The following RNLS variants were observed in gnomAD, a reference collection of about 807,000 sequenced individuals.
RNLS encodes the protein renalase.
A neutral mutation model predicts 39.8 loss-of-function variants in RNLS; 39 were observed. That is an observed-to-expected ratio of 0.98 (90% confidence interval 0.76 to 1.28). The LOEUF (loss-of-function observed/expected upper bound fraction) is 1.28, where lower values mean the gene tolerates loss of function less well. RNLS is among the 50% of genes most tolerant of loss of function. The pLI, the probability that RNLS is intolerant of heterozygous loss-of-function variation, is 0.00. For synonymous variants in RNLS, 147 were observed against 150.7 expected, an observed-to-expected ratio of 0.98 and a Z score of 0.18; for missense variants, 410 against 413.3, an observed-to-expected ratio of 0.99 and a Z score of 0.07.
the RNLS span, among the ~76,000 whole-genome samples, chr10:88,228,949 A>G: frequency 2.0e-5 from 3 of 151,978 alleles, no homozygotes; most frequent in African/African-American, 4.8e-5. Context: ...TTTTCTTTGC[A>G]TTCTCTATGT....
intron 4 of RNLS, among the ~76,000 whole-genome samples, chr10:88,514,269 T>C (rs1299666812): frequency 1.3e-5 from 2 of 151,900 alleles, no homozygotes; most frequent in African/African-American, 2.4e-5. Flanking sequence ...GAGCCGCTTA[T>C]AAAACCTTCC....
chr10:88,367,040 A>C (rs1364497462), intron 4 of RNLS, among the ~76,000 whole-genome samples: 1 of 151,942 alleles, frequency 6.6e-6, no homozygotes, highest in Non-Finnish European at 1.5e-5. Flanking sequence ...CATTTCACAT[A>C]CATGCACACA....
chr10:88,471,128 T>A (rs1280566111), intron 4 of RNLS, among the ~76,000 whole-genome samples: 2 of 152,142 alleles, frequency 1.3e-5, no homozygotes, highest in Non-Finnish European at 2.9e-5. Context: ...AAGGAAAATA[T>A]TTAAGTAAAG....
chr10:88,484,471 G>C (rs1411524748), intron 4 of RNLS, among the ~76,000 whole-genome samples: 5 of 151,980 alleles, frequency 3.3e-5, no homozygotes, highest in African/African-American at 9.7e-5. Flanking sequence ...GGAAGGATAA[G>C]TGAAATCCCT....
chr10:88,496,892 T>A (rs1251109762), intron 4 of RNLS, among the ~76,000 whole-genome samples: 13 of 152,044 alleles, frequency 8.6e-5, no homozygotes, highest in Admixed American at 8.5e-4. Flanking sequence ...TAAACATAGC[T>A]ATGGAGATGG....
At chr10:88,235,185 G>A in the RNLS span, among the ~76,000 whole-genome samples, 18 of 147,418 alleles carry the variant, frequency 1.2e-4, no homozygotes, top group South Asian at 2.2e-3. Context: ...AGAGAATGGC[G>A]TGAACGCGGG....
intron 4 of RNLS, among the ~76,000 whole-genome samples, chr10:88,453,469 G>T (rs1842464174): frequency 6.6e-6 from 1 of 152,202 alleles, no homozygotes; most frequent in East Asian, 1.9e-4. Flanking sequence ...CAGAGACTTT[G>T]TTGTGATTGA....
intron 4 of RNLS, among the ~76,000 whole-genome samples, chr10:88,524,287 T>C (rs1287645725): frequency 1.3e-5 from 2 of 152,104 alleles, no homozygotes; most frequent in African/African-American, 4.8e-5. Context: ...GTATATATTG[T>C]GACGTTAAAA....
the RNLS span, among the ~76,000 whole-genome samples, chr10:88,217,737 T>TAAAAAAAAAAAA: frequency 3.1e-4 from 7 of 22,414 alleles, no homozygotes; most frequent in African/African-American, 1.7e-3. Context: ...TGCCTTCAAA[T>TAAAAAAAAAAAA]GAAAAAAAAA....
chr10:88,353,252 G>T (rs1398213906), intron 5 of RNLS, among the ~76,000 whole-genome samples: 3 of 152,158 alleles, frequency 2.0e-5, no homozygotes, highest in Non-Finnish European at 4.4e-5. Flanking sequence ...CCTTCTGCTA[G>T]CTTTTGAATG....
intron 4 of RNLS, among the ~76,000 whole-genome samples, chr10:88,570,636 G>T (rs1849765754): frequency 6.6e-6 from 1 of 152,208 alleles, no homozygotes; most frequent in Admixed American, 6.5e-5. Context: ...CTAGCCATGA[G>T]GTGGGAATAA....
intron 4 of RNLS, among the ~76,000 whole-genome samples, chr10:88,393,525 G>A (rs900326965): frequency 2.6e-5 from 4 of 152,160 alleles, no homozygotes; most frequent in Non-Finnish European, 4.4e-5. Flanking sequence ...ACAAACCACT[G>A]CTCAATGAAG....
At chr10:88,556,039 T>C (rs967019531) in intron 4 of RNLS, among the ~76,000 whole-genome samples, 1 of 152,160 alleles carries the variant, frequency 6.6e-6, no homozygotes, top group Admixed American at 6.6e-5. Context: ...TGAATCTCTA[T>C]TAAGCAACTC....
the RNLS span, among the ~76,000 whole-genome samples, chr10:88,217,968 A>T: frequency 6.6e-6 from 1 of 152,168 alleles, no homozygotes; most frequent in African/African-American, 2.4e-5. Flanking sequence ...TGAACCCAGG[A>T]GGCAGAGGTT....
chr10:88,286,467 T>C (rs1290009888), intron 6 of RNLS, among the ~76,000 whole-genome samples: 1 of 152,106 alleles, frequency 6.6e-6, no homozygotes, highest in Non-Finnish European at 1.5e-5. Flanking sequence ...GAGGTGAATG[T>C]AGTTATGTTG....
the RNLS span, among the ~76,000 whole-genome samples, chr10:88,255,630 C>T: frequency 6.6e-6 from 1 of 152,216 alleles, no homozygotes; most frequent in Non-Finnish European, 1.5e-5. Flanking sequence ...AAGTTTTCGT[C>T]TGCTGTGATA....
chr10:88,361,279 A>C (rs1474207302), intron 5 of RNLS, among the ~76,000 whole-genome samples: 1 of 152,192 alleles, frequency 6.6e-6, no homozygotes. Context: ...GCTTCAACCT[A>C]TGTCTGTGGA....
At chr10:88,465,508 AAG>A (rs1843155749) in intron 4 of RNLS, among the ~76,000 whole-genome samples, 1 of 152,062 alleles carries the variant, frequency 6.6e-6, no homozygotes, top group South Asian at 2.1e-4. Flanking sequence ...TGCCAGTAAA[AAG>A]AGTGAGGAGA....
the RNLS span, among the ~76,000 whole-genome samples, chr10:88,223,390 A>G: frequency 2.0e-5 from 3 of 152,226 alleles, no homozygotes; most frequent in Non-Finnish European, 4.4e-5. Context: ...ATATTCCCAC[A>G]AAAGGAGTCT....
Sources: allele counts gnomAD v4.1 joint callset (sites outside exome capture counted in the v4.1 genomes callset), GRCh38; gene constraint gnomAD v4.1.1; transcripts MANE v1.5; gene names NCBI Gene and HGNC (gene_info 2026-07-23, HGNC 2026-07-21).